Variants in RFX3 observed in about 807,000 individuals in gnomAD.
RFX3 encodes the protein regulatory factor X3.
A neutral mutation model predicts 98.6 loss-of-function variants in RFX3; 14 were observed. The observed-to-expected ratio is 0.14, with a 90% CI of 0.09 to 0.22. The LOEUF (loss-of-function observed/expected upper bound fraction) is 0.22, where lower values mean the gene tolerates loss of function less well. Among genes scored for constraint, RFX3 ranks in the 10% least tolerant of loss-of-function variants. The probability of loss-of-function intolerance (pLI) is 1.00; values close to 1 mark genes in which losing one functional copy is unlikely to be tolerated. For synonymous variants in RFX3, 383 were observed against 328.4 expected, an observed-to-expected ratio of 1.17 and a Z score of -1.80; for missense variants, 639 against 926.9, an observed-to-expected ratio of 0.69 and a Z score of 4.03.
At chr9:3,325,774 C>T (rs887318702) in intron 4 of RFX3, among the ~76,000 whole-genome samples, 1 of 151,984 alleles carries the variant, frequency 6.6e-6, no homozygotes. Flanking sequence ...AATTTTTAAT[C>T]TTCAAGTGAA....
At chr9:3,301,494 A>G in intron 5 of RFX3, 52 bp downstream of exon 5, 1 of 1,245,912 alleles carries the variant, frequency 8.0e-7, no homozygotes, top group Non-Finnish European at 1.2e-6. Flanking sequence ...GAGGCAAGCA[A>G]CACATGCAGA....
At chr9:3,250,162 C>G (rs60383716) in intron 14 of RFX3, among the ~76,000 whole-genome samples, 1 of 151,480 alleles carries the variant, frequency 6.6e-6, no homozygotes, top group Non-Finnish European at 1.5e-5. Flanking sequence ...ACTAAAAAAG[C>G]AAAAACAACA....
chr9:3,263,878 T>C (rs143083673), intron 12 of RFX3, among the ~76,000 whole-genome samples: 1 of 152,080 alleles, frequency 6.6e-6, no homozygotes, highest in South Asian at 2.1e-4. Context: ...GTTACCAGGG[T>C]ACTTATTCAC....
intron 2 of RFX3, among the ~76,000 whole-genome samples, chr9:3,391,552 G>C (rs1489812285): frequency 6.6e-6 from 1 of 152,118 alleles, no homozygotes; most frequent in East Asian, 1.9e-4. Context: ...CTAACTTGAG[G>C]AAATGAAAAA....
chr9:3,473,262 A>G (rs541362979), intron 1 of RFX3, among the ~76,000 whole-genome samples: 17 of 152,336 alleles, frequency 1.1e-4, no homozygotes, highest in African/African-American at 4.1e-4. Context: ...TTCTACTTCA[A>G]GTATTAGCTG....
chr9:3,490,264 A>G, intron 1 of RFX3: 1 of 900,870 alleles, frequency 1.1e-6, no homozygotes, highest in Non-Finnish European at 1.3e-6. Flanking sequence ...TATAAAGAAC[A>G]TGTGTTCAAA....
At chr9:3,466,094 CA>C (rs772889893) in intron 1 of RFX3, among the ~76,000 whole-genome samples, 6 of 152,180 alleles carry the variant, frequency 3.9e-5, no homozygotes, top group Non-Finnish European at 8.8e-5. Flanking sequence ...CAGAAATGAG[CA>C]GTTTGAAAAG....
chr9:3,348,383 G>T (rs1394598874), intron 2 of RFX3, among the ~76,000 whole-genome samples: 1 of 151,914 alleles, frequency 6.6e-6, no homozygotes, highest in Non-Finnish European at 1.5e-5. Flanking sequence ...GTTGCCACCT[G>T]GGTCTATCTA....
chr9:3,302,390 A>C, intron 4 of RFX3, among the ~76,000 whole-genome samples: 1 of 151,796 alleles, frequency 6.6e-6, no homozygotes, highest in Non-Finnish European at 1.5e-5. Flanking sequence ...GTTAGTGATA[A>C]ATGTGATACA....
intron 3 of RFX3, among the ~76,000 whole-genome samples, chr9:3,331,085 C>T (rs1832549448): frequency 6.6e-6 from 1 of 152,212 alleles, no homozygotes; most frequent in Non-Finnish European, 1.5e-5. Context: ...TCCCTTCACA[C>T]TTAAGCTCCT....
intron 2 of RFX3, among the ~76,000 whole-genome samples, chr9:3,383,413 C>G (rs1025781257): frequency 6.6e-6 from 1 of 151,960 alleles, no homozygotes; most frequent in Non-Finnish European, 1.5e-5. Context: ...ATGGGGTTGC[C>G]ATGTTTAGTA....
At chr9:3,487,194 G>A (rs187208603) in intron 1 of RFX3, among the ~76,000 whole-genome samples, 24 of 152,080 alleles carry the variant, frequency 1.6e-4, no homozygotes, top group Non-Finnish European at 2.8e-4. Flanking sequence ...AATAGCTTAT[G>A]GAAATTACTT....
chr9:3,304,065 G>A (rs1056815333), intron 4 of RFX3, among the ~76,000 whole-genome samples: 2 of 151,960 alleles, frequency 1.3e-5, no homozygotes, highest in Non-Finnish European at 2.9e-5. Context: ...GAAGACACCA[G>A]CCTCAGCATG....
chr9:3,371,802 A>C (rs1837895649), intron 2 of RFX3, among the ~76,000 whole-genome samples: 1 of 152,194 alleles, frequency 6.6e-6, no homozygotes, highest in African/African-American at 2.4e-5. Flanking sequence ...AAGGAATACT[A>C]TGGGAACAGA....
chr9:3,456,148 G>A (rs1847130736), intron 1 of RFX3, among the ~76,000 whole-genome samples: 1 of 152,212 alleles, frequency 6.6e-6, no homozygotes, highest in African/African-American at 2.4e-5. Flanking sequence ...GAGCCCTCAT[G>A]ACCTTATGAC....
intron 5 of RFX3, among the ~76,000 whole-genome samples, chr9:3,298,891 C>T (rs1285503210): frequency 6.6e-6 from 1 of 151,684 alleles, no homozygotes; most frequent in East Asian, 1.9e-4. Flanking sequence ...ATAGACTTTT[C>T]ACCCAAAAGT....
At chr9:3,437,046 T>C (rs1391070547) in intron 1 of RFX3, among the ~76,000 whole-genome samples, 1 of 152,128 alleles carries the variant, frequency 6.6e-6, no homozygotes, top group East Asian at 1.9e-4. Flanking sequence ...GCACAATTCA[T>C]AGTATCCATT....
intron 1 of RFX3, among the ~76,000 whole-genome samples, chr9:3,406,922 A>T (rs1842024037): frequency 6.6e-6 from 1 of 152,184 alleles, no homozygotes; most frequent in Admixed American, 6.5e-5. Flanking sequence ...AACTCAAATG[A>T]ACGAATCAAG....
intron 15 of RFX3, among the ~76,000 whole-genome samples, chr9:3,246,686 G>T (rs935995480): frequency 6.6e-6 from 1 of 152,170 alleles, no homozygotes; most frequent in African/African-American, 2.4e-5. Context: ...TATAAAACAA[G>T]TAAAGAAAGA....
Sources: allele counts gnomAD v4.1 joint callset (sites outside exome capture counted in the v4.1 genomes callset), GRCh38; gene constraint gnomAD v4.1.1; transcripts MANE v1.5; gene names NCBI Gene and HGNC (gene_info 2026-07-23, HGNC 2026-07-21).